The following CNTN5 variants were observed in gnomAD, a reference collection of about 807,000 sequenced individuals.
CNTN5 encodes contactin-5.
CNTN5 carries 77 observed loss-of-function variants against 129.1 expected under a neutral mutation model. That is an observed-to-expected ratio of 0.60 (90% CI 0.50 to 0.72). The LOEUF is 0.72. Among genes scored for constraint, CNTN5 ranks in the 30% least tolerant of loss-of-function variants. CNTN5 has a pLI of 0.00. For missense variants in CNTN5, 1,478 were observed against 1,328.8 expected, an observed-to-expected ratio of 1.11 and a Z score of -1.75; for synonymous variants, 509 against 465.6, an observed-to-expected ratio of 1.09 and a Z score of -1.20.
chr11:99,568,167 A>G (rs2135568948), intron 3 of CNTN5, among the ~76,000 whole-genome samples: 1 of 152,300 alleles, frequency 6.6e-6, no homozygotes, highest in Non-Finnish European at 1.5e-5. Context: ...GTACATCAAA[A>G]GTGTTTTGGA....
intron 7 of CNTN5, among the ~76,000 whole-genome samples, chr11:99,927,838 C>T (rs1304137496): frequency 6.6e-6 from 1 of 152,146 alleles, no homozygotes; most frequent in Non-Finnish European, 1.5e-5. Flanking sequence ...TCATGCCCTT[C>T]TAACAGTCCC....
chr11:100,083,161 C>CA (rs376975494), intron 13 of CNTN5, among the ~76,000 whole-genome samples: 3 of 151,708 alleles, frequency 2.0e-5, no homozygotes, highest in East Asian at 1.9e-4. Context: ...ACTAAAAATA[C>CA]AAAAAATTAG....
At chr11:99,482,746 G>A (rs897474097) in intron 2 of CNTN5, among the ~76,000 whole-genome samples, 2 of 152,072 alleles carry the variant, frequency 1.3e-5, no homozygotes, top group Non-Finnish European at 2.9e-5. Context: ...AACTTATTTA[G>A]ACAGAACACC....
intron 2 of CNTN5, among the ~76,000 whole-genome samples, chr11:99,469,390 T>A (rs1406328817): frequency 6.6e-6 from 1 of 152,168 alleles, no homozygotes; most frequent in Non-Finnish European, 1.5e-5. Flanking sequence ...CCGTAGAGAT[T>A]GTATATAAAA....
intron 8 of CNTN5, among the ~76,000 whole-genome samples, chr11:99,983,446 A>G (rs997906857): frequency 2.3e-4 from 35 of 152,234 alleles, no homozygotes; most frequent in Admixed American, 8.5e-4. Flanking sequence ...ATGCAATACT[A>G]GGGGATTCAA....
At chr11:99,310,003 T>C (rs1462848315) in intron 1 of CNTN5, among the ~76,000 whole-genome samples, 3 of 152,162 alleles carry the variant, frequency 2.0e-5, no homozygotes, top group Non-Finnish European at 4.4e-5. Context: ...TATATGGTGA[T>C]AACTTTGGAG....
chr11:99,465,324 G>A (rs2135251885), intron 2 of CNTN5, among the ~76,000 whole-genome samples: 1 of 152,166 alleles, frequency 6.6e-6, no homozygotes, highest in African/African-American at 2.4e-5. Context: ...GGCTTAAATT[G>A]TTTTTATTTA....
At chr11:99,240,940 A>G (rs1248363307) in intron 1 of CNTN5, among the ~76,000 whole-genome samples, 3 of 152,222 alleles carry the variant, frequency 2.0e-5, no homozygotes, top group Admixed American at 6.5e-5. Flanking sequence ...GCAATATAGA[A>G]TAATAAATGT....
chr11:99,729,119 C>A (rs904557520), intron 3 of CNTN5, among the ~76,000 whole-genome samples: 1 of 152,010 alleles, frequency 6.6e-6, no homozygotes, highest in Non-Finnish European at 1.5e-5. Context: ...AGATAGGCAT[C>A]TTTATGTCTT....
At chr11:100,058,340 A>G (rs1264631765) in intron 9 of CNTN5, among the ~76,000 whole-genome samples, 2 of 152,142 alleles carry the variant, frequency 1.3e-5, no homozygotes, top group South Asian at 4.1e-4. Context: ...TACAGAATAC[A>G]GAAAATAGGA....
intron 6 of CNTN5, among the ~76,000 whole-genome samples, chr11:99,885,878 C>T (rs1011573771): frequency 1.3e-5 from 2 of 151,900 alleles, no homozygotes; most frequent in Non-Finnish European, 2.9e-5. Context: ...TAAAATTTTC[C>T]AAAACTGATT....
intron 11 of CNTN5, 130 bp downstream of exon 11, chr11:100,070,690 T>G (rs1943887405): frequency 2.8e-6 from 2 of 714,618 alleles, no homozygotes; most frequent in South Asian, 4.1e-5. Context: ...CATGTTTGTG[T>G]TAAGGATGAA....
At chr11:99,541,277 A>G (rs1254326525) in intron 2 of CNTN5, among the ~76,000 whole-genome samples, 11 of 152,182 alleles carry the variant, frequency 7.2e-5, no homozygotes, top group African/African-American at 2.4e-4. Flanking sequence ...TATTCACTGT[A>G]TTTTGTGTTA....
chr11:100,050,557 A>G (rs954415197), intron 9 of CNTN5, among the ~76,000 whole-genome samples: 2 of 152,052 alleles, frequency 1.3e-5, no homozygotes, highest in African/African-American at 2.4e-5. Context: ...GCACACCAGC[A>G]TGGCACATGT....
At chr11:99,863,371 G>A (rs916701581) in intron 6 of CNTN5, among the ~76,000 whole-genome samples, 16 of 152,044 alleles carry the variant, frequency 1.1e-4, no homozygotes, top group Admixed American at 6.6e-4. Flanking sequence ...TGCCAGTCAC[G>A]TCAAATTCAG....
At chr11:100,279,673 T>C (rs1409100847) in intron 18 of CNTN5, among the ~76,000 whole-genome samples, 2 of 151,904 alleles carry the variant, frequency 1.3e-5, no homozygotes, top group African/African-American at 4.8e-5. Context: ...TTTTTATGTC[T>C]GATTTTGCTT....
At chr11:99,412,089 T>C (rs1163073947) in intron 2 of CNTN5, among the ~76,000 whole-genome samples, 1 of 152,186 alleles carries the variant, frequency 6.6e-6, no homozygotes, top group African/African-American at 2.4e-5. Flanking sequence ...TCAAATTATA[T>C]TGTATTAAGA....
At chr11:100,331,953 C>T (rs934211297) in intron 21 of CNTN5, among the ~76,000 whole-genome samples, 1 of 151,750 alleles carries the variant, frequency 6.6e-6, no homozygotes, top group African/African-American at 2.4e-5. Flanking sequence ...CAATCCAAAC[C>T]CACATCCAGC....
At chr11:100,255,738 A>T in intron 16 of CNTN5, 22 bp from the exon 17 acceptor site, 1 of 1,608,936 alleles carries the variant, frequency 6.2e-7, no homozygotes, top group South Asian at 1.1e-5. Context: ...GCTTAACTTT[A>T]TCCATTGCCT....
Sources: gnomAD v4.1 joint callset for allele counts (sites outside exome capture counted in the v4.1 genomes callset) on GRCh38, gnomAD v4.1.1 for gene constraint, MANE v1.5 for transcripts, NCBI Gene and HGNC (gene_info 2026-07-23, HGNC 2026-07-21) for gene names.